Variants in MCMDC2 observed in about 807,000 individuals in gnomAD.
The protein encoded by MCMDC2 is minichromosome maintenance domain containing 2, also known as minichromosome maintenance domain-containing protein 2.
Under a neutral mutation model 75.8 loss-of-function variants are expected in MCMDC2, and 54 were observed. The ratio of observed to expected loss-of-function variants is 0.71; its 90% CI spans 0.57 to 0.89. The LOEUF (loss-of-function observed/expected upper bound fraction) is 0.89, where lower values mean the gene tolerates loss of function less well. Among genes scored for constraint, MCMDC2 ranks in the 40% least tolerant of loss-of-function variants. The pLI is 0.00. For synonymous variants in MCMDC2, 249 were observed against 274.6 expected, an observed-to-expected ratio of 0.91 and a Z score of 0.92; for missense variants, 656 against 780.4, an observed-to-expected ratio of 0.84 and a Z score of 1.90.
intron 9 of MCMDC2, among the ~76,000 whole-genome samples, chr8:66,890,164 T>C (rs1812035163): frequency 6.6e-6 from 1 of 152,200 alleles, no homozygotes; most frequent in Non-Finnish European, 1.5e-5. Flanking sequence ...CCTCCCGGGT[T>C]GAGGCAGTTC....
chr8:66,918,446 A>T (rs977804440), intron 14 of MCMDC2, among the ~76,000 whole-genome samples: 1 of 152,154 alleles, frequency 6.6e-6, no homozygotes, highest in Admixed American at 6.5e-5. Context: ...ATCCAAAGTG[A>T]ATCTGTCCTT....
At position 66,921,286 on chromosome 8, in the gene MCMDC2, A is replaced by T. The variant is rs1025852724; in HGVS notation, c.*2117A>T. On this transcript the variant is annotated 3_prime_UTR_variant, in exon 15 of 15. Coordinates refer to ENST00000422365, the MANE Select transcript of MCMDC2 (RefSeq NM_173518.5). ...TGCAGGACGAAAAATTAATGGGTGC[A>T]ATGTACACCATTCAGGTAATGGCTG... 6.6e-6 allele frequency: 1 copy of T among 152,222 alleles called. No homozygotes were observed. The highest frequency in any genetic ancestry group is 6.5e-5 in the Admixed American group (1 of 15,278). The allele number at this position is 152,222 out of a possible 1,614,324, so 9.4% of individuals were successfully genotyped here.
At chr8:66,916,566 ATGGT>A (rs1813333106) in intron 14 of MCMDC2, among the ~76,000 whole-genome samples, 1 of 152,148 alleles carries the variant, frequency 6.6e-6, no homozygotes, top group African/African-American at 2.4e-5. Flanking sequence ...CACAAGATGA[ATGGT>A]TGGGTTCGTG....
At chr8:66,873,483 G>A (rs1392052165) in intron 1 of MCMDC2, among the ~76,000 whole-genome samples, 1 of 152,162 alleles carries the variant, frequency 6.6e-6, no homozygotes, top group Non-Finnish European at 1.5e-5. Flanking sequence ...CTCATCATCA[G>A]ATATTGTTTA....
chr8:66,878,519 C>T, intron 5 of MCMDC2, 55 bp from the exon 6 acceptor site: 1 of 1,508,184 alleles, frequency 6.6e-7, no homozygotes, highest in East Asian at 2.4e-5. Flanking sequence ...ACAAAAGAAA[C>T]AAAATAGATA....
Position 66,919,004 on chromosome 8 carries a change from G to T in MCMDC2, c.1881G>T (p.Gly627=). Residue 627 remains glycine (G), a splice_region_variant and synonymous_variant, in exon 15 of 15, where the codon GGG becomes GGT. Transcript: ENST00000422365. ...LFETSLTLKY[G]ATVFCVAPNA... ...CACTCTATTATCTTCTTCATTTAGG[G>T]GCCACTGTATTTTGTGTTGCTCCGA... 6.7e-7 allele frequency: 1 copy of T among 1,502,278 alleles called. No individual in the cohort carries two copies. The highest frequency in any genetic ancestry group is 8.9e-7 in the Non-Finnish European group (1 of 1,122,712). 93.1% of individuals were successfully genotyped at this position (1,502,278 alleles called of 1,614,324 possible).
At chr8:66,893,896 G>T (rs1184950209) in intron 10 of MCMDC2, among the ~76,000 whole-genome samples, 1 of 152,162 alleles carries the variant, frequency 6.6e-6, no homozygotes, top group Non-Finnish European at 1.5e-5. Flanking sequence ...GGCCCTGCTA[G>T]TATGTCCTCT....
chr8:66,883,803 T>C lies in MCMDC2; in HGVS notation c.882T>C (p.Thr294=), dbSNP rs1811703710. ...ACTTCAGGTGTCTCCTCTCCTTAAC[T>C]TCCAGCTCATGCTGGAAGTTTACAG... The part of the protein sequence containing the change: ...SDNFRCLLSL[T]SSSCWKFTAI... The change falls in exon 9 of 15, where the codon ACT becomes ACC. Residue 294 remains threonine (T), a synonymous_variant. Coordinates refer to ENST00000422365, the MANE Select transcript of MCMDC2 (RefSeq NM_173518.5). The C allele has an allele frequency of 1.9e-6, 3 of 1,613,670 alleles. No individual in the cohort carries two copies. In the African/African-American group the frequency reaches 4.0e-5, roughly 22 times the overall value.
Position 66,877,348 on chromosome 8 carries a change from G to A in MCMDC2, c.286-1G>A. The A allele has an allele frequency of 6.3e-7, 1 of 1,591,322 alleles. No individual in the cohort carries two copies. The highest frequency in any genetic ancestry group is 8.6e-7 in the Non-Finnish European group (1 of 1,165,098). ...TAATACCATTTTTATGTTCTTATTA[G>A]ATTAATATAGTGCTGAAATTAACAC... On this transcript the variant is annotated splice_acceptor_variant, in intron 4 of 14. Coordinates refer to ENST00000422365, the MANE Select transcript of MCMDC2 (RefSeq NM_173518.5). LOFTEE classifies it high-confidence loss of function.
intron 12 of MCMDC2, among the ~76,000 whole-genome samples, chr8:66,899,143 G>A (rs1328127767): frequency 6.6e-6 from 1 of 152,262 alleles, no homozygotes; most frequent in Non-Finnish European, 1.5e-5. Flanking sequence ...AACACAGACT[G>A]AGATGGAGTT....
At chr8:66,918,531 G>T (rs1370836736) in intron 14 of MCMDC2, among the ~76,000 whole-genome samples, 1 of 152,108 alleles carries the variant, frequency 6.6e-6, no homozygotes, top group Non-Finnish European at 1.5e-5. Context: ...TAACAACTGA[G>T]AAATGTACTA....
chr8:66,878,624 A>G lies in MCMDC2; in HGVS notation c.532A>G (p.Ile178Val). The change falls in exon 6 of 15, where the codon ATA becomes GTA. Residue 178 changes from isoleucine (I) to valine (V), a missense_variant. By Grantham distance (29) the Ile-to-Val change is conservative. Transcript: ENST00000422365. ...GCCTGGTGCTACAGAATCTGCAACG[A>G]TAAGAAATGACTTTTTGTGTAATCT... ...HVPGATESATIRNDFLCNLCA... is the reference protein window; with the variant it reads ...HVPGATESATVRNDFLCNLCA... 2 of 1,570,574 alleles carry G rather than the reference A, an allele frequency of 1.3e-6. No individual in the cohort carries two copies. The highest frequency in any genetic ancestry group is 1.7e-6 in the Non-Finnish European group (2 of 1,165,494).
In MCMDC2 at chr8:66,877,352, A is replaced by C. The variant is rs1563367397; in HGVS notation, c.289A>C (p.Asn97His). 8 of 1,594,914 alleles carry C rather than the reference A, an allele frequency of 5.0e-6. No homozygotes were observed. The highest frequency in any genetic ancestry group is 4.3e-6 in the Non-Finnish European group (5 of 1,167,686). ...ACCATTTTTATGTTCTTATTAGATT[A>C]ATATAGTGCTGAAATTAACACATTT... ...IGQLQTETQI[N>H]IVLKLTHLPP... The change falls in exon 5 of 15, where the codon AAT becomes CAT. Residue 97 changes from asparagine to histidine, a missense_variant. By Grantham distance (68) the Asn-to-His change is moderately conservative. Coordinates refer to ENST00000422365, the MANE Select transcript of MCMDC2 (RefSeq NM_173518.5).
At chr8:66,893,892 G>T (rs1812225622) in intron 10 of MCMDC2, among the ~76,000 whole-genome samples, 1 of 152,150 alleles carries the variant, frequency 6.6e-6, no homozygotes, top group African/African-American at 2.4e-5. Context: ...AGTTGGCCCT[G>T]CTAGTATGTC....
chr8:66,905,816 C>T (rs960738190), intron 14 of MCMDC2, among the ~76,000 whole-genome samples: 2 of 151,894 alleles, frequency 1.3e-5, no homozygotes, highest in African/African-American at 2.4e-5. Flanking sequence ...ACCAGCCTGC[C>T]TAATATGGTG....
At chr8:66,891,879 G>C (rs962220010) in intron 10 of MCMDC2, among the ~76,000 whole-genome samples, 1 of 152,090 alleles carries the variant, frequency 6.6e-6, no homozygotes, top group African/African-American at 2.4e-5. Context: ...TTCATGCAAG[G>C]CTGTAGCTGG....
intron 9 of MCMDC2, among the ~76,000 whole-genome samples, chr8:66,885,204 G>A (rs143522365): frequency 6.6e-6 from 1 of 151,556 alleles, no homozygotes; most frequent in Non-Finnish European, 1.5e-5. Flanking sequence ...GTGGTGGCAC[G>A]CGCCTGTAGT....
chr8:66,923,924 A>G (rs1308459958), downstream of MCMDC2, among the ~76,000 whole-genome samples: 1 of 151,788 alleles, frequency 6.6e-6, no homozygotes, highest in African/African-American at 2.4e-5. Context: ...AGCTATCCAC[A>G]CCACCCCCCT....
rs556696094 is a variant in MCMDC2 at position 66,917,237 on chromosome 8, A to C, written c.1880-1766A>C. Among the ~76,000 whole-genome samples the C allele has an allele frequency of 2.6e-5, 4 of 152,128 alleles. No individual in the cohort carries two copies. In the East Asian group the frequency reaches 7.7e-4, roughly 29 times the overall value. On this transcript the variant is annotated intron_variant, in intron 14 of 14. Transcript: ENST00000422365. ...AGCTTTCAGAGAAGATCAGGTAGGA[A>C]AGGAAGCAGTCAGAAGTCTGAGGCT...
Sources: allele counts gnomAD v4.1 joint callset (sites outside exome capture counted in the v4.1 genomes callset), GRCh38; gene constraint gnomAD v4.1.1; transcripts MANE v1.5; gene names NCBI Gene and HGNC (gene_info 2026-07-23, HGNC 2026-07-21).